The following PDE1A variants were observed in gnomAD, a reference collection of about 807,000 sequenced individuals.
The protein encoded by PDE1A is dual specificity calcium/calmodulin-dependent 3',5'-cyclic nucleotide phosphodiesterase 1A.
In PDE1A, 35 loss-of-function variants were observed where a neutral mutation model predicts 61.7. That is an observed-to-expected ratio of 0.57 (90% CI 0.43 to 0.75). The LOEUF (loss-of-function observed/expected upper bound fraction) is 0.75, where lower values mean the gene tolerates loss of function less well. Ranked by LOEUF, PDE1A falls within the 30% of genes least tolerant of loss-of-function variation. The pLI, the probability that PDE1A is intolerant of heterozygous loss-of-function variation, is 0.00. For synonymous variants in PDE1A, 232 were observed against 213.2 expected, an observed-to-expected ratio of 1.09 and a Z score of -0.77; for missense variants, 597 against 630.6, an observed-to-expected ratio of 0.95 and a Z score of 0.57.
At chr2:182,596,341 T>G in the PDE1A span, among the ~76,000 whole-genome samples, 1 of 152,080 alleles carries the variant, frequency 6.6e-6, no homozygotes, top group African/African-American at 2.4e-5. Context: ...CAAGACAGTG[T>G]TCAGGGCATG....
At chr2:182,391,239 T>C (rs1701403595) in intron 1 of PDE1A, among the ~76,000 whole-genome samples, 1 of 152,114 alleles carries the variant, frequency 6.6e-6, no homozygotes, top group South Asian at 2.1e-4. Flanking sequence ...GTTGCAGCTC[T>C]GGGAGTTATA....
the PDE1A span, among the ~76,000 whole-genome samples, chr2:182,538,253 A>G: frequency 6.6e-6 from 1 of 152,108 alleles, no homozygotes; most frequent in Admixed American, 6.5e-5. Context: ...TTACTTGTTT[A>G]TGGTGTGTTG....
intron 1 of PDE1A, among the ~76,000 whole-genome samples, chr2:182,264,724 C>T (rs1012351438): frequency 6.6e-6 from 1 of 150,424 alleles, no homozygotes; most frequent in Non-Finnish European, 1.5e-5. Context: ...AAGTATATTC[C>T]TATAATTTAT....
intron 1 of PDE1A, among the ~76,000 whole-genome samples, chr2:182,272,627 G>T (rs542997287): frequency 1.3e-5 from 2 of 152,118 alleles, no homozygotes; most frequent in African/African-American, 4.8e-5. Flanking sequence ...ACAATAAGAG[G>T]TATGTGTCCA....
At chr2:182,159,893 C>T in intron 13 of PDE1A, among the ~76,000 whole-genome samples, 1 of 152,098 alleles carries the variant, frequency 6.6e-6, no homozygotes, top group South Asian at 2.1e-4. Flanking sequence ...TTTGAGGCTG[C>T]AGTGAGCTAT....
the PDE1A span, among the ~76,000 whole-genome samples, chr2:182,615,436 G>A: frequency 6.6e-6 from 1 of 152,116 alleles, no homozygotes; most frequent in Non-Finnish European, 1.5e-5. Flanking sequence ...ATATTATTGG[G>A]AAGATAAAAC....
At chr2:182,574,492 C>T in the PDE1A span, among the ~76,000 whole-genome samples, 2 of 152,250 alleles carry the variant, frequency 1.3e-5, no homozygotes, top group South Asian at 2.1e-4. Flanking sequence ...ACCCTTTGTA[C>T]AACCAGAAAC....
At chr2:182,473,117 C>G (rs550487507) in intron 2 of PDE1A, among the ~76,000 whole-genome samples, 30 of 151,764 alleles carry the variant, frequency 2.0e-4, no homozygotes, top group East Asian at 2.0e-4. Flanking sequence ...ATCCCTCCCC[C>G]CTCAACCCCA....
At chr2:182,206,578 C>A (rs1687121878) in intron 7 of PDE1A, among the ~76,000 whole-genome samples, 1 of 152,186 alleles carries the variant, frequency 6.6e-6, no homozygotes, top group Admixed American at 6.5e-5. Context: ...CTCCCCTAAC[C>A]CTGGCAACCA....
intron 1 of PDE1A, among the ~76,000 whole-genome samples, chr2:182,342,266 G>A (rs1698234698): frequency 6.6e-6 from 1 of 152,070 alleles, no homozygotes; most frequent in South Asian, 2.1e-4. Flanking sequence ...TTTTTATATA[G>A]TATTTTTTGT....
At chr2:182,563,415 G>C in the PDE1A span, among the ~76,000 whole-genome samples, 1 of 152,190 alleles carries the variant, frequency 6.6e-6, no homozygotes. Context: ...ACTGTGGTCT[G>C]AGAGATAGTT....
intron 13 of PDE1A, among the ~76,000 whole-genome samples, chr2:182,168,603 A>T (rs1362216305): frequency 5.9e-5 from 9 of 152,062 alleles, no homozygotes; most frequent in Non-Finnish European, 1.2e-4. Context: ...TCTAGTTGTT[A>T]TCAACTAGAG....
At chr2:182,624,498 T>C in the PDE1A span, among the ~76,000 whole-genome samples, 5 of 152,198 alleles carry the variant, frequency 3.3e-5, no homozygotes, top group African/African-American at 9.7e-5. Flanking sequence ...ATGAACACTA[T>C]TTCCAATAGC....
chr2:182,328,481 G>T (rs547675011), intron 1 of PDE1A, among the ~76,000 whole-genome samples: 2 of 152,050 alleles, frequency 1.3e-5, no homozygotes, highest in Admixed American at 1.3e-4. Flanking sequence ...TAAAGGTATA[G>T]TTCAGGGACA....
chr2:182,215,480 G>A (rs1032528354), intron 7 of PDE1A, among the ~76,000 whole-genome samples: 1 of 150,994 alleles, frequency 6.6e-6, no homozygotes, highest in Non-Finnish European at 1.5e-5. Flanking sequence ...TCCAGGAGCT[G>A]GTTTTTTGAA....
chr2:182,653,538 A>C, the PDE1A span, among the ~76,000 whole-genome samples: 2 of 152,206 alleles, frequency 1.3e-5, no homozygotes, highest in South Asian at 4.1e-4. Flanking sequence ...TTTGTAAATC[A>C]TACATTCTGT....
intron 1 of PDE1A, among the ~76,000 whole-genome samples, chr2:182,307,430 C>A (rs961364426): frequency 1.3e-5 from 2 of 152,094 alleles, no homozygotes; most frequent in Non-Finnish European, 2.9e-5. Context: ...TCTTGCCCTT[C>A]CACCATGTGA....
intron 2 of PDE1A, among the ~76,000 whole-genome samples, chr2:182,497,962 C>T (rs1688817005): frequency 6.9e-6 from 1 of 144,484 alleles, no homozygotes; most frequent in Non-Finnish European, 1.5e-5. Context: ...AGGAGAATGG[C>T]GTGAACCCAG....
At chr2:182,584,245 G>C in the PDE1A span, among the ~76,000 whole-genome samples, 1 of 151,906 alleles carries the variant, frequency 6.6e-6, no homozygotes, top group Non-Finnish European at 1.5e-5. Flanking sequence ...GTTGCAGAGA[G>C]AGAACACAGC....
Sources: gnomAD v4.1 joint callset for allele counts (sites outside exome capture counted in the v4.1 genomes callset) on GRCh38, gnomAD v4.1.1 for gene constraint, MANE v1.5 for transcripts, NCBI Gene and HGNC (gene_info 2026-07-23, HGNC 2026-07-21) for gene names.